The following UBE2J2 variants were observed in gnomAD, a reference collection of about 807,000 sequenced individuals.
The protein encoded by UBE2J2 is ubiquitin-conjugating enzyme E2 J2.
A neutral mutation model predicts 28.6 loss-of-function variants in UBE2J2; 5 were observed. The ratio of observed to expected loss-of-function variants is 0.17; its 90% CI spans 0.09 to 0.37. The LOEUF (loss-of-function observed/expected upper bound fraction) is 0.37, where lower values mean the gene tolerates loss of function less well. UBE2J2 is among the 10% of genes least tolerant of loss of function. The pLI is 1.00. For synonymous variants in UBE2J2, 138 were observed against 139.7 expected (o/e 0.99, Z 0.09); for missense variants, 226 against 338.9 (o/e 0.67, Z 2.62).
At chr1:1,271,911 C>T (rs1341925868) in intron 1 of UBE2J2, among the ~76,000 whole-genome samples, 1 of 139,128 alleles carries the variant, frequency 7.2e-6, no homozygotes, top group African/African-American at 2.7e-5. Context: ...GAGGTGGAGG[C>T]TGTGGTGGGC....
At chr1:1,272,130 G>A (rs902041960) in intron 1 of UBE2J2, among the ~76,000 whole-genome samples, 3 of 151,868 alleles carry the variant, frequency 2.0e-5, no homozygotes, top group South Asian at 2.1e-4. Flanking sequence ...CTCTAGCTGG[G>A]CCAACAGAGA....
At chr1:1,266,010 C>A (rs1205871949) in intron 2 of UBE2J2, 4 of 1,279,120 alleles carry the variant, frequency 3.1e-6, no homozygotes, top group Non-Finnish European at 4.1e-6. Context: ...GCCTGACCCA[C>A]AGATTTGTGG....
rs778889429 is a variant in UBE2J2 at position 1,255,342 on chromosome 1, G to A, written c.641C>T (p.Pro214Leu). The A allele has an allele frequency of 6.2e-7, 1 of 1,613,802 alleles. No individual in the cohort carries two copies. The highest frequency in any genetic ancestry group is 1.1e-5 in the South Asian group (1 of 91,088). ...LLNGHAPGAV[P>L]NLAGLQQANR... is the part of the protein sequence containing the mutation. ...GGCCTGCTGGAGCCCTGCGAGGTTT[G>A]GGACGGCCCCCGGCGCATGCCCGTT... The change falls in exon 7 of 7, where the codon CCA becomes CTA. Residue 214 changes from proline to leucine, a missense_variant. By Grantham distance (98) the Pro-to-Leu change is moderately conservative. Coordinates refer to ENST00000349431, the MANE Select transcript of UBE2J2 (RefSeq NM_058167.3).
chr1:1,254,996 C>A lies in UBE2J2; in HGVS notation c.*207G>T, dbSNP rs964718064. On this transcript the variant is annotated 3_prime_UTR_variant, in exon 7 of 7. Coordinates refer to ENST00000349431, the MANE Select transcript of UBE2J2 (RefSeq NM_058167.3). ...CAAGGCCCACCCACACCAGCCCCAG[C>A]GGCCCGTGGCCAGGACAGGGCTGAG... The A allele has an allele frequency of 9.4e-6, 5 of 530,898 alleles. No individual in the cohort carries two copies. The allele number at this position is 530,898 out of a possible 1,614,324, so 32.9% of individuals were successfully genotyped here.
Position 1,268,082 on chromosome 1 carries a change from C to A in UBE2J2, c.1-90G>T. The A allele has an allele frequency of 1.3e-6, 2 of 1,552,800 alleles. No individual in the cohort carries two copies. The highest frequency in any genetic ancestry group is 1.8e-6 in the Non-Finnish European group (2 of 1,137,090). On this transcript the variant is annotated intron_variant, in intron 1 of 6. Coordinates refer to ENST00000349431, the MANE Select transcript of UBE2J2 (RefSeq NM_058167.3). The surrounding 1 kb of genome is among the most constrained non-coding windows in gnomAD (Gnocchi z 4.7). ...GCAGCCCCACTCCCGCCTCTGCAGC[C>A]CGCCATTCATTCAGGGCCCGGTCAC...
intron 2 of UBE2J2, among the ~76,000 whole-genome samples, chr1:1,266,843 A>AT (rs1037072203): frequency 3.3e-5 from 5 of 151,522 alleles, no homozygotes; most frequent in East Asian, 1.9e-4. Context: ...ATAATAAGTA[A>AT]TTTTTTTTTA....
At chr1:1,256,853 C>T (rs1400730495) in intron 5 of UBE2J2, 139 bp downstream of exon 5, 6 of 856,198 alleles carry the variant, frequency 7.0e-6, no homozygotes, top group African/African-American at 3.7e-5. Context: ...CGCCACTGCA[C>T]TCCAGCCTGG....
At chr1:1,270,791 G>A (rs1217907289) in intron 1 of UBE2J2, among the ~76,000 whole-genome samples, 1 of 150,914 alleles carries the variant, frequency 6.6e-6, no homozygotes, top group Non-Finnish European at 1.5e-5. Context: ...CCTCTTGCCT[G>A]CCAGCCCCTT....
At chr1:1,261,725 C>T (rs934787688) in intron 3 of UBE2J2, among the ~76,000 whole-genome samples, 1 of 150,652 alleles carries the variant, frequency 6.6e-6, no homozygotes, top group Admixed American at 6.6e-5. Context: ...CGGCTCACTG[C>T]AAGCTCCGCC....
intron 1 of UBE2J2, among the ~76,000 whole-genome samples, chr1:1,270,993 G>C (rs554111281): frequency 6.6e-6 from 1 of 152,164 alleles, no homozygotes; most frequent in Non-Finnish European, 1.5e-5. Context: ...GGCCCTTCCC[G>C]GCATAGCCAG....
intron 3 of UBE2J2, chr1:1,263,056 C>G: frequency 2.7e-6 from 1 of 375,888 alleles, no homozygotes; most frequent in Admixed American, 3.8e-5. Context: ...GTAGAACAGG[C>G]CAGCTTCAGT....
Position 1,268,844 on chromosome 1 carries a change from A to ATT in UBE2J2, c.1-854_1-853dup, listed in dbSNP as rs371622000. Among the ~76,000 whole-genome samples, 2 of 147,026 alleles carry ATT rather than the reference A, an allele frequency of 1.4e-5. No individual in the cohort carries two copies. The highest frequency in any genetic ancestry group is 3.0e-5 in the Non-Finnish European group (2 of 66,274). ...AGACGCATGCCACCACGCCTAGCTA[A>ATT]TTTTTTTTTTTTTGTAGAGCTGGGA... On this transcript the variant is annotated intron_variant, in intron 1 of 6. Coordinates refer to ENST00000349431, the MANE Select transcript of UBE2J2 (RefSeq NM_058167.3). This position sits in a 1 kb window ranked among gnomAD's most constrained non-coding sequence, Gnocchi z 4.7.
chr1:1,257,582 C>T (rs1015685698), intron 3 of UBE2J2, among the ~76,000 whole-genome samples: 1 of 150,886 alleles, frequency 6.6e-6, no homozygotes, highest in East Asian at 1.9e-4. Flanking sequence ...CCCACTGCCC[C>T]GGGAGCTCGA....
At chr1:1,259,110 A>T (rs1639393590) in intron 3 of UBE2J2, among the ~76,000 whole-genome samples, 2 of 134,366 alleles carry the variant, frequency 1.5e-5, no homozygotes, top group South Asian at 4.7e-4. Flanking sequence ...ATGTGTGTGC[A>T]TGCCATCAGG....
In UBE2J2 at chr1:1,267,930, G is replaced by A. The variant is rs1639961246; in HGVS notation, c.63C>T (p.Tyr21=). 6.2e-7 allele frequency: 1 copy of A among 1,613,990 alleles called. No individual in the cohort carries two copies. Residue 21 remains tyrosine, a synonymous_variant, in exon 2 of 7, where the codon TAC becomes TAT. Coordinates refer to ENST00000349431, the MANE Select transcript of UBE2J2 (RefSeq NM_058167.3). ...TTATQRLKQD[Y]LRIKKDPVPY... ...GCACCGGGTCTTTCTTAATGCGAAG[G>A]TAGTCCTGCTTCAGCCTCTGGGTTG...
At chr1:1,263,151 T>C (rs1214148315) in intron 3 of UBE2J2, 195 bp downstream of exon 3, 3 of 590,730 alleles carry the variant, frequency 5.1e-6, no homozygotes, top group Admixed American at 5.2e-5. Flanking sequence ...CCCTGCAGGC[T>C]GAGACACATC....
At chr1:1,263,244 G>T in intron 3 of UBE2J2, 102 bp downstream of exon 3, 1 of 1,114,674 alleles carries the variant, frequency 9.0e-7, no homozygotes, top group Non-Finnish European at 1.4e-6. Flanking sequence ...CACATCCAAA[G>T]TAGAAAGGCT....
At chr1:1,255,533 C>T in intron 6 of UBE2J2, 46 bp from the exon 7 acceptor site, 1 of 1,572,232 alleles carries the variant, frequency 6.4e-7, no homozygotes. Flanking sequence ...CAACCAGCGC[C>T]TTTCAGGACC....
At chr1:1,261,219 G>A (rs890186067) in intron 3 of UBE2J2, among the ~76,000 whole-genome samples, 14 of 152,366 alleles carry the variant, frequency 9.2e-5, no homozygotes, top group Admixed American at 4.6e-4. Flanking sequence ...ATCCCCCAGT[G>A]AGGGGGAGGT....
Sources: gnomAD v4.1 joint callset for allele counts (sites outside exome capture counted in the v4.1 genomes callset) on GRCh38, gnomAD v4.1.1 for gene constraint, Gnocchi (gnomAD v3.1) non-coding constraint, MANE v1.5 for transcripts, NCBI Gene and HGNC (gene_info 2026-07-23, HGNC 2026-07-21) for gene names.